The following AKAP13 variants were observed in gnomAD, a reference collection of about 807,000 sequenced individuals.
AKAP13 encodes A-kinase anchoring protein 13, also known as A-kinase anchor protein 13.
AKAP13 carries 80 observed loss-of-function variants against 264.5 expected under a neutral mutation model. The observed-to-expected ratio is 0.30, with a 90% CI of 0.25 to 0.36. AKAP13 has a LOEUF of 0.36. Among genes scored for constraint, AKAP13 ranks in the 10% least tolerant of loss-of-function variants. AKAP13 has a pLI of 1.00. For synonymous variants in AKAP13, 1,380 were observed against 1,250.2 expected (o/e 1.10, Z -2.19); for missense variants, 3,712 against 3,435.2 (o/e 1.08, Z -2.01).
At chr15:85,665,419 A>C (rs547479535) in intron 13 of AKAP13, among the ~76,000 whole-genome samples, 49 of 152,312 alleles carry the variant, frequency 3.2e-4, no homozygotes. Context: ...ACATATCCCA[A>C]GTTTCTCCTT....
intron 1 of AKAP13, among the ~76,000 whole-genome samples, chr15:85,385,024 G>A (rs899178324): frequency 3.9e-5 from 6 of 152,194 alleles, no homozygotes; most frequent in Non-Finnish European, 5.9e-5. Flanking sequence ...GAAGGAAAAC[G>A]TGTGAGGTTT....
At chr15:85,493,790 A>G (rs2075798842) in intron 2 of AKAP13, among the ~76,000 whole-genome samples, 2 of 152,152 alleles carry the variant, frequency 1.3e-5, no homozygotes. Flanking sequence ...CTTGTCCTAG[A>G]CGGGGTAAGG....
At chr15:85,497,942 C>A (rs976921184) in intron 2 of AKAP13, among the ~76,000 whole-genome samples, 15 of 151,930 alleles carry the variant, frequency 9.9e-5, no homozygotes, top group African/African-American at 3.6e-4. Flanking sequence ...ATCACTTCAC[C>A]GTTACAGCAC....
chr15:85,605,089 C>T (rs531822552), intron 8 of AKAP13, among the ~76,000 whole-genome samples: 2 of 150,054 alleles, frequency 1.3e-5, no homozygotes, highest in East Asian at 2.0e-4. Context: ...TACCTAATTT[C>T]CTAGATAAAC....
At chr15:85,714,867 T>G (rs550867462) in intron 19 of AKAP13, among the ~76,000 whole-genome samples, 2 of 152,098 alleles carry the variant, frequency 1.3e-5, no homozygotes, top group East Asian at 3.9e-4. Flanking sequence ...CTCGGGAGGC[T>G]GCGGCAGGAG....
In AKAP13 at chr15:85,727,540, G is replaced by A. The variant is rs994592222; in HGVS notation, c.7087+77G>A. On this transcript the variant is annotated intron_variant, in intron 29 of 36. Coordinates refer to ENST00000394518, the MANE Select transcript of AKAP13 (RefSeq NM_007200.5). This position sits in a 1 kb window ranked among gnomAD's most constrained non-coding sequence, Gnocchi z 5.3. ...AGAAGACTGCTGGTGGATTTTAGAG[G>A]TACGGGTTTGCCCTCAGTTCTAAAG... 1.3e-6 allele frequency: 2 copies of A among 1,530,702 alleles called. No individual in the cohort carries two copies. The highest frequency in any genetic ancestry group is 2.4e-5 in the East Asian group (1 of 42,518). 94.8% of individuals were successfully genotyped at this position (1,530,702 alleles called of 1,614,324 possible). A position where few individuals can be genotyped will look rare whatever the true frequency, so the allele number is the denominator to read the frequency against.
chr15:85,638,604 A>G (rs951308254), intron 8 of AKAP13, among the ~76,000 whole-genome samples: 5 of 152,192 alleles, frequency 3.3e-5, no homozygotes, highest in Non-Finnish European at 7.3e-5. Flanking sequence ...AATTCAATCA[A>G]AGAGAATTAT....
intron 10 of AKAP13, 121 bp downstream of exon 10, chr15:85,646,075 C>T (rs2082547275): frequency 1.6e-6 from 2 of 1,250,814 alleles, no homozygotes; most frequent in South Asian, 2.9e-5. Context: ...AAATATGTAA[C>T]TCCTGCTAGT....
intron 12 of AKAP13, among the ~76,000 whole-genome samples, chr15:85,659,364 A>G (rs901567042): frequency 6.6e-6 from 1 of 152,202 alleles, no homozygotes; most frequent in Admixed American, 6.5e-5. Flanking sequence ...GTAAAGAAGT[A>G]TTTTTAACTA....
chr15:85,545,256 A>C (rs2077697853), intron 5 of AKAP13, among the ~76,000 whole-genome samples: 1 of 152,238 alleles, frequency 6.6e-6, no homozygotes, highest in African/African-American at 2.4e-5. Context: ...GCCTTGTTTC[A>C]GAAGTTGAAA....
At chr15:85,507,818 C>T (rs1174403507) in intron 2 of AKAP13, among the ~76,000 whole-genome samples, 1 of 152,246 alleles carries the variant, frequency 6.6e-6, no homozygotes, top group Non-Finnish European at 1.5e-5. Context: ...CCTAATCACC[C>T]TCCTCCACTC....
chr15:85,591,757 A>G (rs1045387707), intron 8 of AKAP13, among the ~76,000 whole-genome samples: 2 of 152,160 alleles, frequency 1.3e-5, no homozygotes, highest in African/African-American at 4.8e-5. Flanking sequence ...CAAGTTCATT[A>G]GGAAGGACCT....
At chr15:85,657,886 A>G (rs1391578129) in intron 11 of AKAP13, among the ~76,000 whole-genome samples, 2 of 152,134 alleles carry the variant, frequency 1.3e-5, no homozygotes, top group African/African-American at 2.4e-5. Context: ...CCTTTTCTTT[A>G]TAATCCACTA....
intron 14 of AKAP13, among the ~76,000 whole-genome samples, chr15:85,679,209 C>G (rs2084442455): frequency 6.6e-6 from 1 of 151,662 alleles, no homozygotes; most frequent in African/African-American, 2.4e-5. Flanking sequence ...CATTGCACTC[C>G]AGCCCAGGCG....
At chr15:85,473,208 A>AGT (rs1567075314) in intron 1 of AKAP13, among the ~76,000 whole-genome samples, 1 of 152,296 alleles carries the variant, frequency 6.6e-6, no homozygotes, top group East Asian at 1.9e-4. Context: ...GGGTCCTAAA[A>AGT]GTAAAGCTAC....
rs2089371205 is a variant in AKAP13, at chr15:85,746,419, CT to C, written c.*1744del. 1 of 152,040 alleles carries C rather than the reference CT, an allele frequency of 6.6e-6. No homozygotes were observed. Among genetic ancestry groups the C allele is most frequent in the African/African-American group, 2.4e-5 (1 of 41,396 alleles). 9.4% of individuals were successfully genotyped at this position (152,040 alleles called of 1,614,324 possible). A position where few individuals can be genotyped will look rare whatever the true frequency, so the allele number is the denominator to read the frequency against. Reference sequence around the variant, plus strand: ...GTTCACTCTGTGTCTTTTGAAGTGCCTTGAAGGCCCAGATGAAATTTTAAAG... The same window carrying C: ...GTTCACTCTGTGTCTTTTGAAGTGCCTGAAGGCCCAGATGAAATTTTAAAG... On this transcript the variant is annotated 3_prime_UTR_variant, in exon 37 of 37. Coordinates refer to ENST00000394518, the MANE Select transcript of AKAP13 (RefSeq NM_007200.5).
intron 6 of AKAP13, 148 bp from the exon 7 acceptor site, chr15:85,578,782 A>G: frequency 1.4e-6 from 1 of 703,814 alleles, no homozygotes. Context: ...GAGGAAATTT[A>G]TTTGTATTCT....
At chr15:85,740,400 A>G in intron 34 of AKAP13, 128 bp downstream of exon 34, 1 of 1,022,620 alleles carries the variant, frequency 9.8e-7, no homozygotes, top group Non-Finnish European at 1.4e-6. Flanking sequence ...AGTCTAGGGA[A>G]GACTGGCTCT....
At chr15:85,631,765 TG>T (rs1344480176) in intron 8 of AKAP13, among the ~76,000 whole-genome samples, 1 of 152,226 alleles carries the variant, frequency 6.6e-6, no homozygotes, top group Non-Finnish European at 1.5e-5. Flanking sequence ...GAACTTTCTG[TG>T]CTGTCTTTGC....
Sources: allele counts gnomAD v4.1 joint callset (sites outside exome capture counted in the v4.1 genomes callset), GRCh38; gene constraint gnomAD v4.1.1; non-coding constraint Gnocchi (gnomAD v3.1); transcripts MANE v1.5; gene names NCBI Gene and HGNC (gene_info 2026-07-23, HGNC 2026-07-21).